The following LUC7L variants were observed in gnomAD, a reference collection of about 807,000 sequenced individuals.
LUC7L encodes LUC7 like.
In LUC7L, 29 loss-of-function variants were observed where a neutral mutation model predicts 51.1. The ratio of observed to expected loss-of-function variants is 0.57; its 90% CI spans 0.42 to 0.77. The LOEUF (loss-of-function observed/expected upper bound fraction) is 0.77. Among genes scored for constraint, LUC7L ranks in the 30% least tolerant of loss-of-function variants. The pLI, the probability that LUC7L is intolerant of heterozygous loss-of-function variation, is 0.00. For synonymous variants in LUC7L, 181 were observed against 180.7 expected (o/e 1.00, Z -0.01); for missense variants, 403 against 511.9 (o/e 0.79, Z 2.05).
intron 4 of LUC7L, among the ~76,000 whole-genome samples, chr16:207,817 G>A (rs750841819): frequency 1.3e-5 from 2 of 152,116 alleles, no homozygotes; most frequent in Non-Finnish European, 2.9e-5. Flanking sequence ...AGACCATACC[G>A]GCTAACACGG....
At chr16:213,534 G>T (rs963842398) in intron 3 of LUC7L, among the ~76,000 whole-genome samples, 1 of 151,856 alleles carries the variant, frequency 6.6e-6, no homozygotes, top group African/African-American at 2.4e-5. Context: ...CAAGTACCTG[G>T]GATTGCAGGT....
chr16:195,852 T>G (rs2049134899), intron 6 of LUC7L, among the ~76,000 whole-genome samples: 1 of 151,966 alleles, frequency 6.6e-6, no homozygotes, highest in Non-Finnish European at 1.5e-5. Context: ...CTCCTCTAAC[T>G]AGGGCACAGA....
At chr16:206,857 C>T (rs1422472082) in intron 4 of LUC7L, among the ~76,000 whole-genome samples, 1 of 144,502 alleles carries the variant, frequency 6.9e-6, no homozygotes, top group African/African-American at 2.6e-5. Context: ...CCAAGAGTTC[C>T]AGACCAGCTT....
Position 189,718 on chromosome 16 carries a change from C to T in LUC7L, c.974+250G>A, listed in dbSNP as rs1342269876. On this transcript the variant is annotated intron_variant, in intron 9 of 9. Coordinates refer to ENST00000293872, the MANE Select transcript of LUC7L (RefSeq NM_201412.3). ...AAGTCTCAGCCACTCTGAGCATGGA[C>T]GCAACAGTGCACAGGCCCCAGGACG... 53 of 1,369,278 alleles carry T rather than the reference C, an allele frequency of 3.9e-5. No homozygotes were observed. In the South Asian group the frequency reaches 4.0e-4, roughly 10 times the overall value. The allele number at this position is 1,369,278 out of a possible 1,614,324, so 84.8% of individuals were successfully genotyped here.
At chr16:216,307 TTACTC>T (rs985246571) in intron 3 of LUC7L, among the ~76,000 whole-genome samples, 3 of 151,998 alleles carry the variant, frequency 2.0e-5, no homozygotes, top group Non-Finnish European at 2.9e-5. Flanking sequence ...CGGCCCTTGT[TTACTC>T]TAATTCTTTG....
intron 4 of LUC7L, among the ~76,000 whole-genome samples, chr16:206,413 CTTT>C (rs2049485524): frequency 6.6e-6 from 1 of 152,194 alleles, no homozygotes; most frequent in Non-Finnish European, 1.5e-5. Context: ...GGCTGTCTCT[CTTT>C]ATGACTTTTT....
intron 6 of LUC7L, among the ~76,000 whole-genome samples, chr16:195,511 G>C (rs1310043809): frequency 6.6e-6 from 1 of 152,094 alleles, no homozygotes; most frequent in Non-Finnish European, 1.5e-5. Context: ...GCAGCCTTGA[G>C]CTCCAAGGTC....
At chr16:196,146 G>A (rs1248787607) in intron 6 of LUC7L, among the ~76,000 whole-genome samples, 16 of 151,712 alleles carry the variant, frequency 1.1e-4, no homozygotes, top group Admixed American at 8.5e-4. Flanking sequence ...TGTGGCCCAC[G>A]CCTGTAATCC....
At position 188,992 on chromosome 16, in the gene LUC7L, A is replaced by G; in HGVS notation, c.*206T>C. On this transcript the variant is annotated 3_prime_UTR_variant, in exon 10 of 10. Transcript: ENST00000293872. Reference sequence around the variant, plus strand: ...GACAGCAGAAACCCCCCGCAGCCTCAGGAGGCAGCATCAGATTTATTTATT... The same window carrying G: ...GACAGCAGAAACCCCCCGCAGCCTCGGGAGGCAGCATCAGATTTATTTATT... 1 of 535,578 alleles carries G rather than the reference A, an allele frequency of 1.9e-6. No individual in the cohort carries two copies. The highest frequency in any genetic ancestry group is 3.3e-6 in the Non-Finnish European group (1 of 306,364). 33.2% of individuals were successfully genotyped at this position (535,578 alleles called of 1,614,324 possible).
intron 6 of LUC7L, among the ~76,000 whole-genome samples, chr16:196,242 T>C (rs2142045761): frequency 6.6e-6 from 1 of 152,136 alleles, no homozygotes; most frequent in African/African-American, 2.4e-5. Context: ...ACCCCATCTC[T>C]ACTAAAAACA....
At chr16:189,415 C>T in intron 9 of LUC7L, 76 bp from the exon 10 acceptor site, 1 of 1,514,038 alleles carries the variant, frequency 6.6e-7, no homozygotes, top group South Asian at 1.3e-5. Context: ...TGACGATGGA[C>T]CCGCAGACCA....
intron 4 of LUC7L, among the ~76,000 whole-genome samples, chr16:206,377 G>A (rs1408463159): frequency 6.6e-6 from 1 of 152,128 alleles, no homozygotes; most frequent in Non-Finnish European, 1.5e-5. Flanking sequence ...TGCTTCCAAG[G>A]ATCATCACAG....
chr16:228,042 T>C, intron 1 of LUC7L: 1 of 1,135,788 alleles, frequency 8.8e-7, no homozygotes, highest in Non-Finnish European at 1.1e-6. Flanking sequence ...TGTTGAAAAG[T>C]GTTAAAGGAA....
At position 190,582 on chromosome 16, in the gene LUC7L, A is replaced by T. The variant is rs753236892; in HGVS notation, c.777-12T>A. 1.4e-5 allele frequency: 22 copies of T among 1,606,396 alleles called. No homozygotes were observed. The highest frequency in any genetic ancestry group is 1.9e-5 in the Non-Finnish European group (22 of 1,174,712). ...TTCTTGATCCCGACCTAAAAGGGGG[A>T]AAAAAAGATGAACAAGGCCAGGCAT... is the stretch of plus-strand genomic sequence containing the variant. On this transcript the variant is annotated splice_polypyrimidine_tract_variant and intron_variant, in intron 7 of 9. Coordinates refer to ENST00000293872, the MANE Select transcript of LUC7L (RefSeq NM_201412.3).
chr16:204,491 G>A (rs1000838907), intron 5 of LUC7L, among the ~76,000 whole-genome samples: 1 of 151,918 alleles, frequency 6.6e-6, no homozygotes, highest in African/African-American at 2.4e-5. Flanking sequence ...CTACTCTGGA[G>A]GCTGAGGCAG....
At chr16:229,181 G>A (rs893073669) in intron 1 of LUC7L, 98 bp downstream of exon 1, 29 of 1,478,968 alleles carry the variant, frequency 2.0e-5, no homozygotes, top group African/African-American at 2.9e-5. Flanking sequence ...CCCCGCGCAG[G>A]CGCAGGCGCA....
intron 5 of LUC7L, among the ~76,000 whole-genome samples, chr16:199,756 CAAAAA>C (rs11361921): frequency 1.1e-4 from 7 of 61,718 alleles, no homozygotes; most frequent in Admixed American, 2.0e-4. Flanking sequence ...AACCCTGTCT[CAAAAA>C]AAAAAAAAAA....
At chr16:222,337 A>T (rs1295482172) in intron 2 of LUC7L, among the ~76,000 whole-genome samples, 3 of 151,520 alleles carry the variant, frequency 2.0e-5, no homozygotes, top group Non-Finnish European at 4.4e-5. Flanking sequence ...CAGAAAAAAA[A>T]AAAAAAAAAG....
At chr16:214,646 C>A (rs2049736553) in intron 3 of LUC7L, among the ~76,000 whole-genome samples, 1 of 152,306 alleles carries the variant, frequency 6.6e-6, no homozygotes, top group Middle Eastern at 3.4e-3. Context: ...CCAGCCTCAG[C>A]CCCTCGAGTA....
Sources: gnomAD v4.1 joint callset for allele counts (sites outside exome capture counted in the v4.1 genomes callset) on GRCh38, gnomAD v4.1.1 for gene constraint, MANE v1.5 for transcripts, NCBI Gene and HGNC (gene_info 2026-07-23, HGNC 2026-07-21) for gene names.